The following BAZ2B variants were observed in gnomAD, a reference collection of about 807,000 sequenced individuals.
BAZ2B encodes bromodomain adjacent to zinc finger domain protein 2B.
A neutral mutation model predicts 246.0 loss-of-function variants in BAZ2B; 91 were observed. That is an observed-to-expected ratio of 0.37 (90% CI 0.31 to 0.44). The LOEUF (loss-of-function observed/expected upper bound fraction) is 0.44, where lower values mean the gene tolerates loss of function less well. BAZ2B is among the 20% of genes least tolerant of loss of function. BAZ2B has a pLI of 1.00. For synonymous variants in BAZ2B, 855 were observed against 860.0 expected (o/e 0.99, Z 0.10); for missense variants, 2,332 against 2,533.7 (o/e 0.92, Z 1.71).
Position 159,433,219 on chromosome 2 carries a change from G to A in BAZ2B, c.1438C>T (p.Pro480Ser), listed in dbSNP as rs139354349. 3 of 1,614,120 alleles carry A rather than the reference G, an allele frequency of 1.9e-6. No homozygotes were observed. Among genetic ancestry groups the A allele is most frequent in the Non-Finnish European group, 2.5e-6 (3 of 1,180,012 alleles). The change falls in exon 9 of 37, where the codon CCA becomes TCA. Residue 480 changes from proline (P) to serine (S), a missense_variant. Coordinates refer to ENST00000392783, the MANE Select transcript of BAZ2B (RefSeq NM_013450.4). ...AGTGCATTTGTCAAGAATGGATTTG[G>A]GTGGTTGTTTTCTAATGTTTGTTTT... ...HPKQTLENNH[P>S]NPFLTNALLG... is the part of the protein sequence containing the mutation.
At chr2:159,533,111 A>G (rs2085546891) in intron 2 of BAZ2B, among the ~76,000 whole-genome samples, 1 of 152,196 alleles carries the variant, frequency 6.6e-6, no homozygotes, top group Admixed American at 6.5e-5. Flanking sequence ...TGAAAGGAAA[A>G]CAAAGGATGC....
At chr2:159,485,485 T>A (rs2079713881) in intron 2 of BAZ2B, among the ~76,000 whole-genome samples, 1 of 152,148 alleles carries the variant, frequency 6.6e-6, no homozygotes, top group South Asian at 2.1e-4. Flanking sequence ...GCTTTTTTTG[T>A]CATTTGACAC....
chr2:159,477,404 A>G (rs2078724328), intron 3 of BAZ2B, among the ~76,000 whole-genome samples: 1 of 151,928 alleles, frequency 6.6e-6, no homozygotes. Flanking sequence ...TTATTTTGTA[A>G]TCCCTAAGAA....
chr2:159,323,022 A>C, intron 36 of BAZ2B, among the ~76,000 whole-genome samples: 3 of 142,840 alleles, frequency 2.1e-5, no homozygotes, highest in African/African-American at 5.2e-5. Flanking sequence ...AGACAATCTC[A>C]CTCTGTTGCC....
chr2:159,492,574 G>C (rs189132249), intron 2 of BAZ2B, among the ~76,000 whole-genome samples: 10 of 152,228 alleles, frequency 6.6e-5, no homozygotes, highest in African/African-American at 2.4e-4. Context: ...GTTGCTTATT[G>C]AATGTTTGTT....
At chr2:159,691,727 C>T in the BAZ2B span, among the ~76,000 whole-genome samples, 42 of 152,262 alleles carry the variant, frequency 2.8e-4, no homozygotes, top group East Asian at 5.8e-4. Context: ...TCAAGGTTTA[C>T]GGTATTACAC....
At chr2:159,662,346 A>G in the BAZ2B span, among the ~76,000 whole-genome samples, 4 of 152,194 alleles carry the variant, frequency 2.6e-5, no homozygotes, top group African/African-American at 9.6e-5. Context: ...TATTTAAGGT[A>G]TATACCTAAA....
chr2:159,638,270 A>G, the BAZ2B span, among the ~76,000 whole-genome samples: 5 of 152,214 alleles, frequency 3.3e-5, no homozygotes, highest in African/African-American at 1.2e-4. Flanking sequence ...CTTCTCAAGA[A>G]CGACAGGCAC....
At chr2:159,509,480 C>T (rs553986289) in intron 2 of BAZ2B, among the ~76,000 whole-genome samples, 3 of 152,146 alleles carry the variant, frequency 2.0e-5, no homozygotes, top group Non-Finnish European at 4.4e-5. Context: ...TCACACATAA[C>T]ACATATGGCT....
At chr2:159,630,683 G>A in the BAZ2B span, among the ~76,000 whole-genome samples, 78,542 of 148,712 alleles carry the variant, frequency 0.53, 20,845 homozygotes, top group East Asian at 0.73. Flanking sequence ...ACAGGCGCCC[G>A]CTACCACGCC....
Position 159,577,044 on chromosome 2 carries a change from A to G in BAZ2B, c.-45-21179T>C, listed in dbSNP as rs1449505680. Among the ~76,000 whole-genome samples the G allele has an allele frequency of 1.3e-5, 2 of 151,908 alleles. 1 individual carries two copies. On this transcript the variant is annotated intron_variant, in intron 1 of 36. Transcript: ENST00000392783. ...AGTTCAAGAGCAGCCTAGGCAACACAGTGAGACCCTCATTTTTCCAAAAAA... is the reference window on the plus strand; with the variant it reads ...AGTTCAAGAGCAGCCTAGGCAACACGGTGAGACCCTCATTTTTCCAAAAAA...
intron 13 of BAZ2B, among the ~76,000 whole-genome samples, chr2:159,427,300 C>G (rs1403200247): frequency 6.6e-6 from 1 of 152,078 alleles, no homozygotes; most frequent in African/African-American, 2.4e-5. Flanking sequence ...GAAATGAGAT[C>G]TCCTTGGTGG....
At position 159,374,768 on chromosome 2, in the gene BAZ2B, A is replaced by C. The variant is rs1443604062; in HGVS notation, c.4006-15T>G. ...TCACCTTCATCCTATACATAAGAAA[A>C]TACAGTGTCATTTATCTGTTTTAAG... is the stretch of plus-strand genomic sequence containing the variant. On this transcript the variant is annotated splice_polypyrimidine_tract_variant and intron_variant, in intron 25 of 36. Transcript: ENST00000392783. 6.2e-7 allele frequency: 1 copy of C among 1,601,424 alleles called. No individual in the cohort carries two copies. Among genetic ancestry groups the C allele is most frequent in the Non-Finnish European group, 8.6e-7 (1 of 1,169,510 alleles).
At chr2:159,316,657 T>C (rs1308354441), downstream of BAZ2B, among the ~76,000 whole-genome samples, 1 of 112,350 alleles carries the variant, frequency 8.9e-6, no homozygotes, top group Non-Finnish European at 1.6e-5. Context: ...ACCACTGTAC[T>C]CCAGCCTGGG....
At chr2:159,487,124 T>A (rs2079927005) in intron 2 of BAZ2B, among the ~76,000 whole-genome samples, 1 of 152,210 alleles carries the variant, frequency 6.6e-6, no homozygotes, top group South Asian at 2.1e-4. Flanking sequence ...ATTGTATTAA[T>A]GACAGTTAAG....
Position 159,593,470 on chromosome 2 carries a change from T to C in BAZ2B, c.-46+22772A>G, listed in dbSNP as rs569142204. ...CCTTTTTGTTTTGGGGGTTGTTTTT[T>C]GTGGTAAAATACACATACCAGTAGT... On this transcript the variant is annotated intron_variant, in intron 1 of 36. Transcript: ENST00000392783. 4.6e-5 allele frequency among the ~76,000 whole-genome samples: 7 copies of C among 152,372 alleles called. No individual in the cohort carries two copies. The South Asian group carries it at 1.4e-3, about 32-fold the overall frequency.
At chr2:159,455,762 G>GTTTTTTTTTTTTTTT (rs759816186) in intron 3 of BAZ2B, among the ~76,000 whole-genome samples, 1 of 97,120 alleles carries the variant, frequency 1.0e-5, no homozygotes. Context: ...GAAATATTGT[G>GTTTTTTTTTTTTTTT]GTTTTTTTTT....
rs375364793 is a variant in BAZ2B at position 159,591,816 on chromosome 2, C to T, written c.-46+24426G>A. On this transcript the variant is annotated intron_variant, in intron 1 of 36. Coordinates refer to ENST00000392783, the MANE Select transcript of BAZ2B (RefSeq NM_013450.4). ...ATGCTTTTTTAAAAATATTCTATCA[C>T]ATTTTGTGATCCTAGTTAGGAATTT... Among the ~76,000 whole-genome samples, 103 of 152,316 alleles carry T rather than the reference C, an allele frequency of 6.8e-4. 1 individual carries two copies. Among genetic ancestry groups the T allele is most frequent in the African/African-American group, 2.4e-3 (98 of 41,568 alleles).
intron 2 of BAZ2B, among the ~76,000 whole-genome samples, chr2:159,551,823 C>T (rs2088294246): frequency 6.6e-6 from 1 of 152,248 alleles, no homozygotes; most frequent in Admixed American, 6.5e-5. Flanking sequence ...AGTAACTTTA[C>T]AGATATTGAT....
Sources: allele counts gnomAD v4.1 joint callset (sites outside exome capture counted in the v4.1 genomes callset), GRCh38; gene constraint gnomAD v4.1.1; transcripts MANE v1.5; gene names NCBI Gene and HGNC (gene_info 2026-07-23, HGNC 2026-07-21).